TBC1D9: variants seen among roughly 807,000 people sequenced by gnomAD.
The protein encoded by TBC1D9 is TBC1 domain family member 9, also known as TBC1 domain family member 9A.
A neutral mutation model predicts 132.0 loss-of-function variants in TBC1D9; 63 were observed. That is an observed-to-expected ratio of 0.48 (90% CI 0.39 to 0.59). The LOEUF (loss-of-function observed/expected upper bound fraction) is 0.59, where lower values mean the gene tolerates loss of function less well. Ranked by LOEUF, TBC1D9 falls within the 20% of genes least tolerant of loss-of-function variation. TBC1D9 has a pLI of 0.00. For synonymous variants in TBC1D9, 610 were observed against 609.9 expected, an observed-to-expected ratio of 1.00 and a Z score of 0.00; for missense variants, 1,261 against 1,592.7, an observed-to-expected ratio of 0.79 and a Z score of 3.54.
At chr4:140,705,503 GGTGTGTGCATGTGT>G (rs576134042) in intron 1 of TBC1D9, among the ~76,000 whole-genome samples, 2,032 of 137,184 alleles carry the variant, frequency 0.015, 15 homozygotes, top group Middle Eastern at 0.036. Flanking sequence ...ACAAGTGAGG[GGTGTGTGCATGTGT>G]GTGTGTGTGT....
At position 140,624,107 on chromosome 4, in the gene TBC1D9, A is replaced by C. The variant is rs1482659551; in HGVS notation, c.3078+9T>G. On this transcript the variant is annotated intron_variant, in intron 20 of 20. Coordinates refer to ENST00000442267, the MANE Select transcript of TBC1D9 (RefSeq NM_015130.3). ...TTTGAAGCGAATGATTTGAACTTTA[A>C]GCACTTACCTGATTTAATTTGGGTA... is the stretch of plus-strand genomic sequence containing the variant. The C allele has an allele frequency of 1.3e-6, 2 of 1,590,930 alleles. No individual in the cohort carries two copies. Among genetic ancestry groups the C allele is most frequent in the Middle Eastern group, 1.7e-4 (1 of 6,010 alleles).
At chr4:140,652,333 C>T (rs984288345) in intron 13 of TBC1D9, among the ~76,000 whole-genome samples, 1 of 152,066 alleles carries the variant, frequency 6.6e-6, no homozygotes, top group African/African-American at 2.4e-5. Flanking sequence ...TACAACCACA[C>T]TATCTTTTTT....
intron 16 of TBC1D9, among the ~76,000 whole-genome samples, chr4:140,631,621 G>T (rs1224213019): frequency 6.8e-5 from 10 of 147,758 alleles, no homozygotes; most frequent in South Asian, 2.1e-4. Context: ...TTTTGAGATG[G>T]AGTCTTACTC....
At chr4:140,643,809 C>T in intron 13 of TBC1D9, 1 of 784,818 alleles carries the variant, frequency 1.3e-6, no homozygotes, top group Non-Finnish European at 2.1e-6. Context: ...CCCGGTGGCA[C>T]TCAGCGCCTG....
intron 18 of TBC1D9, among the ~76,000 whole-genome samples, chr4:140,626,985 TG>T (rs879758965): frequency 1.3e-5 from 2 of 152,232 alleles, no homozygotes; most frequent in Admixed American, 1.3e-4. Context: ...CATTTAAAAA[TG>T]TAAAAAACCA....
rs1255665931 is a variant in TBC1D9, at chr4:140,741,916, C to T, written c.130+14000G>A. Among the ~76,000 whole-genome samples, 6 of 152,070 alleles carry T rather than the reference C, an allele frequency of 3.9e-5. No individual in the cohort carries two copies. In the East Asian group the frequency reaches 1.2e-3, roughly 29 times the overall value. ...TTGCCAATCAGAAAATCTTTGAATC[C>T]ACATATGACCTGGAAGCCCCCTCCC... On this transcript the variant is annotated intron_variant, in intron 1 of 20. Coordinates refer to ENST00000442267, the MANE Select transcript of TBC1D9 (RefSeq NM_015130.3).
Position 140,665,815 on chromosome 4 carries a change from T to C in TBC1D9, c.1588+3102A>G, listed in dbSNP as rs1560878451. ...TCTCAGATTCTTGAGTAGCTGGGACTACATGTGCGTGCCACCACACCCAGC... is the reference window on the plus strand; with the variant it reads ...TCTCAGATTCTTGAGTAGCTGGGACCACATGTGCGTGCCACCACACCCAGC... On this transcript the variant is annotated intron_variant, in intron 9 of 20. Coordinates refer to ENST00000442267, the MANE Select transcript of TBC1D9 (RefSeq NM_015130.3). Among the ~76,000 whole-genome samples the C allele has an allele frequency of 1.3e-5, 2 of 152,080 alleles. 1 individual carries two copies.
chr4:140,651,342 A>G, intron 13 of TBC1D9, among the ~76,000 whole-genome samples: 1 of 152,170 alleles, frequency 6.6e-6, no homozygotes. Flanking sequence ...GCACACCTGC[A>G]GTACCAGCTA....
At chr4:140,737,429 C>T (rs540089390) in intron 1 of TBC1D9, among the ~76,000 whole-genome samples, 2 of 130,950 alleles carry the variant, frequency 1.5e-5, no homozygotes, top group South Asian at 5.8e-4. Flanking sequence ...TCTCCCTGCA[C>T]CCTCCCTTCT....
At chr4:140,693,449 T>C (rs1737907204) in intron 2 of TBC1D9, among the ~76,000 whole-genome samples, 1 of 152,242 alleles carries the variant, frequency 6.6e-6, no homozygotes, top group Admixed American at 6.5e-5. Context: ...CAATGCCACA[T>C]ACTAACTCTG....
chr4:140,676,037 A>G (rs745788524), intron 6 of TBC1D9, among the ~76,000 whole-genome samples: 1 of 152,128 alleles, frequency 6.6e-6, no homozygotes, highest in Non-Finnish European at 1.5e-5. Flanking sequence ...GAATGCTCAC[A>G]CTCAAGACTA....
At chr4:140,722,781 T>C (rs1738443381) in intron 1 of TBC1D9, among the ~76,000 whole-genome samples, 1 of 152,170 alleles carries the variant, frequency 6.6e-6, no homozygotes, top group African/African-American at 2.4e-5. Flanking sequence ...TCATCACTAC[T>C]TTGTCTGAAA....
chr4:140,635,878 A>T (rs924637623), intron 15 of TBC1D9, among the ~76,000 whole-genome samples: 27 of 152,148 alleles, frequency 1.8e-4, no homozygotes, highest in African/African-American at 5.6e-4. Context: ...CTGAGGTCAG[A>T]GTGGCCTGCT....
At chr4:140,709,240 T>TCACA (rs1738192916) in intron 1 of TBC1D9, among the ~76,000 whole-genome samples, 1 of 109,544 alleles carries the variant, frequency 9.1e-6, no homozygotes, top group African/African-American at 3.8e-5. Flanking sequence ...TCTCTCTCTC[T>TCACA]CTCTCTCTCA....
chr4:140,693,345 T>G (rs771671084), intron 2 of TBC1D9, among the ~76,000 whole-genome samples: 12 of 152,200 alleles, frequency 7.9e-5, no homozygotes, highest in Non-Finnish European at 1.5e-4. Flanking sequence ...AAGGTTAAAT[T>G]ATCTGAAATA....
intron 15 of TBC1D9, among the ~76,000 whole-genome samples, chr4:140,638,493 C>T (rs2110975519): frequency 6.8e-6 from 1 of 146,938 alleles, no homozygotes; most frequent in East Asian, 2.0e-4. Context: ...GAAACCCCAT[C>T]TCTACTAAAA....
intron 9 of TBC1D9, among the ~76,000 whole-genome samples, 192 bp from the exon 10 acceptor site, chr4:140,662,299 C>G (rs1297206657): frequency 6.6e-6 from 1 of 152,202 alleles, no homozygotes; most frequent in Non-Finnish European, 1.5e-5. Flanking sequence ...CTCCTTCCCT[C>G]TTTCAGCTCC....
rs1451944085 is a variant in TBC1D9, at chr4:140,755,995, G to T, written c.51C>A (p.Thr17=). The T allele has an allele frequency of 3.1e-6, 5 of 1,609,512 alleles. No homozygotes were observed. In the South Asian group the frequency reaches 4.4e-5, roughly 14 times the overall value. The change falls in exon 1 of 21, where the codon ACC becomes ACA. Residue 17 remains threonine (T), a synonymous_variant. Transcript: ENST00000442267. ...GGATGAAGTATGGGTTGGCCCTCTC[G>T]GTGATCCACAGCGCGTTGGCCAGCA... ...EVLLANALWI[T]ERANPYFILQ... is the part of the protein sequence containing the mutation.
At chr4:140,673,366 T>C (rs189901502) in intron 6 of TBC1D9, among the ~76,000 whole-genome samples, 2 of 152,266 alleles carry the variant, frequency 1.3e-5, no homozygotes, top group East Asian at 3.9e-4. Flanking sequence ...ATTCTTGGTC[T>C]ATACAATCTT....
Sources: allele counts gnomAD v4.1 joint callset (sites outside exome capture counted in the v4.1 genomes callset), GRCh38; gene constraint gnomAD v4.1.1; transcripts MANE v1.5; gene names NCBI Gene and HGNC (gene_info 2026-07-23, HGNC 2026-07-21).